SLC16A9: variants seen among roughly 807,000 people sequenced by gnomAD.
SLC16A9 encodes monocarboxylate transporter 9.
Under a neutral mutation model 44.3 loss-of-function variants are expected in SLC16A9, and 26 were observed. That is an observed-to-expected ratio of 0.59 (90% CI 0.43 to 0.81). The LOEUF is 0.81. Ranked by LOEUF, SLC16A9 falls within the 40% of genes least tolerant of loss-of-function variation. The probability of loss-of-function intolerance (pLI) is 0.00; values close to 1 mark genes in which losing one functional copy is unlikely to be tolerated. For synonymous variants in SLC16A9, 230 were observed against 225.1 expected (o/e 1.02, Z -0.19); for missense variants, 559 against 595.8 (o/e 0.94, Z 0.64).
At chr10:59,665,545 T>C (rs1339274818) in intron 3 of SLC16A9, among the ~76,000 whole-genome samples, 1 of 152,168 alleles carries the variant, frequency 6.6e-6, no homozygotes, top group Admixed American at 6.5e-5. Context: ...CCCTTTTATG[T>C]CATTTATGGG....
At chr10:59,677,296 G>A (rs1174983627) in intron 2 of SLC16A9, among the ~76,000 whole-genome samples, 3 of 151,594 alleles carry the variant, frequency 2.0e-5, no homozygotes, top group Non-Finnish European at 4.4e-5. Flanking sequence ...TCATTATGTT[G>A]CCCAGACTGG....
chr10:59,693,821 G>A (rs1053732951), intron 1 of SLC16A9, among the ~76,000 whole-genome samples: 2 of 150,704 alleles, frequency 1.3e-5, no homozygotes, highest in Admixed American at 6.6e-5. Context: ...GAGTTTCACT[G>A]TTAGCCAGGA....
chr10:59,674,968 T>C (rs972413807), intron 2 of SLC16A9, among the ~76,000 whole-genome samples: 2 of 152,218 alleles, frequency 1.3e-5, no homozygotes, highest in African/African-American at 4.8e-5. Flanking sequence ...AAGTCACTTT[T>C]TTTGCCTAAC....
Position 59,665,714 on chromosome 10 carries a change from A to G in SLC16A9, c.341-1392T>C, listed in dbSNP as rs1031839068. Among the ~76,000 whole-genome samples, 3 of 152,330 alleles carry G rather than the reference A, an allele frequency of 2.0e-5. No individual in the cohort carries two copies. In the East Asian group the frequency reaches 5.8e-4, roughly 29 times the overall value. On this transcript the variant is annotated intron_variant, in intron 3 of 5. Coordinates refer to ENST00000395348, the MANE Select transcript of SLC16A9 (RefSeq NM_194298.3). ...CACCCTTAACTAAGACTATTTCTGA[A>G]AGCCTTTGGAGGCGGTTTTATTGTA...
chr10:59,682,767 T>G (rs889291942), intron 2 of SLC16A9, among the ~76,000 whole-genome samples: 1 of 152,038 alleles, frequency 6.6e-6, no homozygotes, highest in Non-Finnish European at 1.5e-5. Context: ...AACATATCAG[T>G]TATCATCCAC....
chr10:59,660,296 AC>A (rs1252694836), intron 4 of SLC16A9, among the ~76,000 whole-genome samples: 1 of 152,130 alleles, frequency 6.6e-6, no homozygotes, highest in Non-Finnish European at 1.5e-5. Context: ...TCAAATAGAC[AC>A]AATAAAAAAT....
intron 1 of SLC16A9, among the ~76,000 whole-genome samples, chr10:59,686,937 C>T (rs115809262): frequency 0.011 from 1,677 of 152,244 alleles, 32 homozygotes; most frequent in African/African-American, 0.038. Flanking sequence ...ATCAAAGTTT[C>T]GCTCTTGCTG....
At chr10:59,691,342 A>T (rs1355907183) in intron 1 of SLC16A9, among the ~76,000 whole-genome samples, 1 of 152,206 alleles carries the variant, frequency 6.6e-6, no homozygotes, top group Non-Finnish European at 1.5e-5. Flanking sequence ...CAAAATTAGA[A>T]ACCATTTTGA....
chr10:59,690,123 C>A (rs949919667), intron 1 of SLC16A9, among the ~76,000 whole-genome samples: 2 of 152,000 alleles, frequency 1.3e-5, no homozygotes, highest in Non-Finnish European at 2.9e-5. Context: ...GGAGGTGAGC[C>A]ATAACAGTGA....
intron 3 of SLC16A9, 124 bp from the exon 4 acceptor site, chr10:59,664,446 C>T (rs1038514322): frequency 3.7e-6 from 2 of 547,310 alleles, no homozygotes; most frequent in Non-Finnish European, 6.4e-6. Context: ...GTTACAAGTA[C>T]AGACTCCTAG....
chr10:59,693,272 G>A (rs1171642), intron 1 of SLC16A9, among the ~76,000 whole-genome samples: 76,722 of 152,020 alleles, frequency 0.5, 20,146 homozygotes, highest in East Asian at 0.62. Flanking sequence ...GTTGATTGAT[G>A]TATTAGCAAA....
intron 1 of SLC16A9, among the ~76,000 whole-genome samples, chr10:59,698,134 GAAC>G (rs1322127553): frequency 3.9e-5 from 6 of 152,226 alleles, no homozygotes; most frequent in East Asian, 1.9e-4. Context: ...CAGAATTCTA[GAAC>G]AACAACTGGT....
chr10:59,688,131 T>G (rs975902081), intron 1 of SLC16A9, among the ~76,000 whole-genome samples: 2 of 152,234 alleles, frequency 1.3e-5, no homozygotes, highest in Non-Finnish European at 1.5e-5. Context: ...CCAGGTTTAC[T>G]GTCAGGTGCA....
At chr10:59,660,861 A>G (rs1027834905) in intron 4 of SLC16A9, among the ~76,000 whole-genome samples, 1 of 152,246 alleles carries the variant, frequency 6.6e-6, no homozygotes, top group East Asian at 1.9e-4. Flanking sequence ...ATGCAAATCA[A>G]TAAATGTAAT....
In SLC16A9 at chr10:59,696,914, C is replaced by T. The variant is rs866073068; in HGVS notation, c.-37+12565G>A. On this transcript the variant is annotated intron_variant, in intron 1 of 5. Transcript: ENST00000395348. ...GAGGAGCGTCTCCGCCCGACAGCCA[C>T]CCCGTCCGGGAGGGAGGTGGGGGGT... Among the ~76,000 whole-genome samples the T allele has an allele frequency of 5.7e-5, 5 of 87,846 alleles. 1 individual carries two copies. In the Middle Eastern group the frequency reaches 0.018, roughly 310 times the overall value. 57.6% of individuals were successfully genotyped at this position (87,846 alleles called of 152,430 possible).
chr10:59,673,696 G>T (rs1839799853), intron 2 of SLC16A9, among the ~76,000 whole-genome samples: 1 of 152,180 alleles, frequency 6.6e-6, no homozygotes, highest in Admixed American at 6.5e-5. Flanking sequence ...GAAAGCGGTA[G>T]GAACAGAATT....
rs1029949786 is a variant in SLC16A9, at chr10:59,651,554, A to C, written c.*1218T>G. 6.6e-6 allele frequency: 1 copy of C among 152,192 alleles called. No individual in the cohort carries two copies. Among genetic ancestry groups the C allele is most frequent in the African/African-American group, 2.4e-5 (1 of 41,442 alleles). 9.4% of individuals were successfully genotyped at this position (152,192 alleles called of 1,614,324 possible). On this transcript the variant is annotated 3_prime_UTR_variant, in exon 6 of 6. Transcript: ENST00000395348. ...ATTAAAAGTTCTATGTGTGATACCCAGGTACCTATATTTTCAAAAAGATCT... is the reference window on the plus strand; with the variant it reads ...ATTAAAAGTTCTATGTGTGATACCCCGGTACCTATATTTTCAAAAAGATCT...
intron 4 of SLC16A9, among the ~76,000 whole-genome samples, chr10:59,663,220 G>C (rs1347696318): frequency 6.6e-6 from 1 of 152,072 alleles, no homozygotes; most frequent in African/African-American, 2.4e-5. Context: ...AATTAGCTGG[G>C]CTTGGTGGCA....
At chr10:59,696,681 A>C in intron 1 of SLC16A9, among the ~76,000 whole-genome samples, 4 of 140,034 alleles carry the variant, frequency 2.9e-5, no homozygotes, top group African/African-American at 8.2e-5. Context: ...CCGGCCGCCC[A>C]TCATCTGAGA....
Sources: gnomAD v4.1 joint callset for allele counts (sites outside exome capture counted in the v4.1 genomes callset) on GRCh38, gnomAD v4.1.1 for gene constraint, MANE v1.5 for transcripts, NCBI Gene and HGNC (gene_info 2026-07-23, HGNC 2026-07-21) for gene names.